The following CYBRD1 variants were observed in gnomAD, a reference collection of about 807,000 sequenced individuals.
CYBRD1 encodes the protein cytochrome b reductase 1, also known as plasma membrane ascorbate-dependent reductase CYBRD1.
In CYBRD1, 14 loss-of-function variants were observed where a neutral mutation model predicts 21.9. The ratio of observed to expected loss-of-function variants is 0.64; its 90% CI spans 0.42 to 1.00. The LOEUF (loss-of-function observed/expected upper bound fraction) is 1.00, where lower values mean the gene tolerates loss of function less well. Among genes scored for constraint, CYBRD1 ranks in the 50% least tolerant of loss-of-function variants. The probability of loss-of-function intolerance (pLI) is 0.00; values close to 1 mark genes in which losing one functional copy is unlikely to be tolerated. For missense variants in CYBRD1, 328 were observed against 352.5 expected (o/e 0.93, Z 0.56); for synonymous variants, 146 against 136.5 (o/e 1.07, Z -0.48).
Position 171,554,508 on chromosome 2 carries a change from A to T in CYBRD1, c.558-16A>T, listed in dbSNP as rs1247804607. The stretch of plus-strand genomic sequence containing the variant: ...TATCATCCTGTTTGTAATTGGATAC[A>T]TCTCTTATTTCATAGGAGAGATCCT... On this transcript the variant is annotated splice_polypyrimidine_tract_variant and intron_variant, in intron 3 of 3. Coordinates refer to ENST00000321348, the MANE Select transcript of CYBRD1 (RefSeq NM_024843.4). 2 of 1,612,750 alleles carry T rather than the reference A, an allele frequency of 1.2e-6. No individual in the cohort carries two copies. The highest frequency in any genetic ancestry group is 1.7e-6 in the Non-Finnish European group (2 of 1,179,048).
chr2:171,535,106 C>T (rs781478390), intron 1 of CYBRD1, among the ~76,000 whole-genome samples: 1 of 151,984 alleles, frequency 6.6e-6, no homozygotes, highest in African/African-American at 2.4e-5. Flanking sequence ...CTGGTGGGAA[C>T]CAAGGATGAG....
intron 1 of CYBRD1, among the ~76,000 whole-genome samples, chr2:171,532,587 C>A (rs898625564): frequency 5.3e-5 from 8 of 151,664 alleles, no homozygotes; most frequent in African/African-American, 1.2e-4. Flanking sequence ...ATCACTTGAG[C>A]CCAGGAGCTG....
chr2:171,538,377 G>C lies in CYBRD1; in HGVS notation c.194-3208G>C, dbSNP rs77248090. 9.0e-3 allele frequency among the ~76,000 whole-genome samples: 1,365 copies of C among 152,270 alleles called. 20 individuals carry two copies. The highest frequency in any genetic ancestry group is 0.028 in the African/African-American group (1,145 of 41,564). ...TGGAGAACCAGCAAGACACATTAAC[G>C]CCCTCAGAGAAGATGAAGTAGGGGT... On this transcript the variant is annotated intron_variant, in intron 1 of 3. Transcript: ENST00000321348.
intron 1 of CYBRD1, among the ~76,000 whole-genome samples, chr2:171,538,138 G>T (rs578061046): frequency 6.6e-6 from 1 of 151,872 alleles, no homozygotes; most frequent in African/African-American, 2.4e-5. Flanking sequence ...TTAGCTGGGC[G>T]CGTATTCCCA....
Position 171,554,578 on chromosome 2 carries a change from T to C in CYBRD1, c.612T>C (p.Leu204=), listed in dbSNP as rs751208845. The C allele has an allele frequency of 6.2e-7, 1 of 1,613,946 alleles. No individual in the cohort carries two copies. The highest frequency in any genetic ancestry group is 1.3e-5 in the African/African-American group (1 of 74,914). ...CAGAAGGTGTTTTCGTAAATACGCT[T>C]GGCCTTCTGATCCTGGTGTTCGGGG... The part of the protein sequence containing the change: ...FPPEGVFVNT[L]GLLILVFGAL... Residue 204 remains leucine (L), a synonymous_variant, in exon 4 of 4, where the codon CTT becomes CTC. Transcript: ENST00000321348.
At chr2:171,548,869 C>A (rs1400495433) in intron 2 of CYBRD1, among the ~76,000 whole-genome samples, 1 of 151,768 alleles carries the variant, frequency 6.6e-6, no homozygotes, top group African/African-American at 2.4e-5. Context: ...ATTTGGGAGG[C>A]CAAGGTGGGA....
intron 1 of CYBRD1, among the ~76,000 whole-genome samples, chr2:171,536,276 A>T (rs1208077362): frequency 6.6e-6 from 1 of 151,274 alleles, no homozygotes; most frequent in Non-Finnish European, 1.5e-5. Context: ...AGTAGCTGGG[A>T]TTATAAGCAC....
intron 2 of CYBRD1, among the ~76,000 whole-genome samples, chr2:171,550,626 A>C (rs1320183045): frequency 6.6e-6 from 1 of 152,174 alleles, no homozygotes; most frequent in Admixed American, 6.5e-5. Context: ...GCATTCTGTA[A>C]TGTTTTTCTT....
chr2:171,538,360 C>G (rs988518367), intron 1 of CYBRD1, among the ~76,000 whole-genome samples: 15 of 152,244 alleles, frequency 9.9e-5, no homozygotes, highest in Non-Finnish European at 1.9e-4. Context: ...AGTGGAGAAC[C>G]AGCAAGACAC....
intron 1 of CYBRD1, among the ~76,000 whole-genome samples, chr2:171,532,015 T>A (rs1697474170): frequency 6.6e-6 from 1 of 152,250 alleles, no homozygotes; most frequent in Admixed American, 6.5e-5. Context: ...TTCCAGAGAT[T>A]TTCAGTTTCA....
rs534847296 is a variant in CYBRD1 at position 171,552,204 on chromosome 2, T to C, written c.403-1142T>C. Among the ~76,000 whole-genome samples the C allele has an allele frequency of 9.8e-4, 150 of 152,362 alleles. 1 individual carries two copies. The highest frequency in any genetic ancestry group is 1.9e-3 in the Non-Finnish European group (126 of 68,030). ...ATATAATCAGATTAAAATAATCATC[T>C]TCCATTCCTAGTTTGTTAAAACATC... On this transcript the variant is annotated intron_variant, in intron 2 of 3. Transcript: ENST00000321348.
intron 1 of CYBRD1, among the ~76,000 whole-genome samples, chr2:171,529,886 TC>T (rs1697439174): frequency 6.6e-6 from 1 of 152,188 alleles, no homozygotes; most frequent in Admixed American, 6.5e-5. Context: ...TATGTCTAAA[TC>T]CTAATCCCAG....
At chr2:171,534,622 A>G (rs944478361) in intron 1 of CYBRD1, among the ~76,000 whole-genome samples, 2 of 152,208 alleles carry the variant, frequency 1.3e-5, no homozygotes, top group African/African-American at 4.8e-5. Flanking sequence ...CAGAGCCTCT[A>G]TGTAGCCAGG....
intron 2 of CYBRD1, among the ~76,000 whole-genome samples, chr2:171,552,050 G>A (rs2105346974): frequency 6.6e-6 from 1 of 152,258 alleles, no homozygotes; most frequent in South Asian, 2.1e-4. Flanking sequence ...TCTGAGTCAT[G>A]TCTTGGAAGA....
chr2:171,528,481 G>T (rs189826605), intron 1 of CYBRD1, among the ~76,000 whole-genome samples: 13 of 149,938 alleles, frequency 8.7e-5, no homozygotes, highest in African/African-American at 3.2e-4. Context: ...TTTCCTGGCT[G>T]CCCCATCCTC....
rs1175069336 is a variant in CYBRD1 at position 171,522,644 on chromosome 2, C to A, written c.99C>A (p.His33Gln). The change falls in exon 1 of 4, where the codon CAC becomes CAA. Residue 33 changes from histidine to glutamine, a missense_variant. Transcript: ENST00000321348. The surrounding 1 kb of genome is among the most constrained non-coding windows in gnomAD (Gnocchi z 4.3). ...TCTTCGCCCTCGTCTGGGTCCTCCA[C>A]TACCGAGAGGGGCTTGGCTGGGATG... ...SVIFALVWVL[H>Q]YREGLGWDGS... 1.9e-6 allele frequency: 3 copies of A among 1,613,548 alleles called. No individual in the cohort carries two copies. In the South Asian group the frequency reaches 3.3e-5, roughly 18 times the overall value.
intron 1 of CYBRD1, among the ~76,000 whole-genome samples, chr2:171,528,283 C>T (rs1034825558): frequency 6.6e-6 from 1 of 152,004 alleles, no homozygotes; most frequent in Non-Finnish European, 1.5e-5. Context: ...TGGGGTTTCT[C>T]CACGTTGGTC....
At position 171,522,818 on chromosome 2, in the gene CYBRD1, C is replaced by T; in HGVS notation, c.193+80C>T. The T allele has an allele frequency of 6.3e-7, 1 of 1,589,220 alleles. No homozygotes were observed. The highest frequency in any genetic ancestry group is 1.3e-5 in the African/African-American group (1 of 74,818). ...CAGAGGGTCCTCCGTGAAGCCCCTT[C>T]CAGCTGAGGAAGTGCTGGAGGATCG... On this transcript the variant is annotated intron_variant, in intron 1 of 3. Transcript: ENST00000321348. This position sits in a 1 kb window ranked among gnomAD's most constrained non-coding sequence, Gnocchi z 4.3.
rs183690048 is a variant in CYBRD1, at chr2:171,539,095, C to T, written c.194-2490C>T. Among the ~76,000 whole-genome samples the T allele has an allele frequency of 7.0e-3, 1,061 of 152,160 alleles. 9 individuals are homozygous for T. The highest frequency in any genetic ancestry group is 0.027 in the Middle Eastern group (8 of 294). ...TTACAGCACCGAGTGGCTCACTGAGCGCAGTGAGCCACTGCGCCTGGCCTG... is the reference window on the plus strand; with the variant it reads ...TTACAGCACCGAGTGGCTCACTGAGTGCAGTGAGCCACTGCGCCTGGCCTG... On this transcript the variant is annotated intron_variant, in intron 1 of 3. Coordinates refer to ENST00000321348, the MANE Select transcript of CYBRD1 (RefSeq NM_024843.4).
Sources: allele counts gnomAD v4.1 joint callset (sites outside exome capture counted in the v4.1 genomes callset), GRCh38; gene constraint gnomAD v4.1.1; non-coding constraint Gnocchi (gnomAD v3.1); transcripts MANE v1.5; gene names NCBI Gene and HGNC (gene_info 2026-07-23, HGNC 2026-07-21).